The following ARHGEF18 variants were observed in gnomAD, a reference collection of about 807,000 sequenced individuals.
The protein encoded by ARHGEF18 is rho guanine nucleotide exchange factor 18.
In ARHGEF18, 93 loss-of-function variants were observed where a neutral mutation model predicts 155.7. The observed-to-expected ratio is 0.60, with a 90% CI of 0.50 to 0.71. ARHGEF18 has a LOEUF of 0.71. Ranked by LOEUF, ARHGEF18 falls within the 30% of genes least tolerant of loss-of-function variation. The pLI, the probability that ARHGEF18 is intolerant of heterozygous loss-of-function variation, is 0.00. For missense variants in ARHGEF18, 1,593 were observed against 1,816.1 expected (o/e 0.88, Z 2.23); for synonymous variants, 742 against 753.1 (o/e 0.99, Z 0.24).
intron 1 of ARHGEF18, among the ~76,000 whole-genome samples, chr19:7,361,774 C>A (rs897388488): frequency 1.3e-5 from 2 of 152,016 alleles, no homozygotes; most frequent in African/African-American, 4.8e-5. Flanking sequence ...ATGCAGATCA[C>A]CTGAGGTCAG....
chr19:7,458,172 A>G (rs1212844966), intron 18 of ARHGEF18, among the ~76,000 whole-genome samples: 8 of 151,814 alleles, frequency 5.3e-5, no homozygotes, highest in African/African-American at 1.5e-4. Context: ...CTATAATCCC[A>G]GCTACTCAGG....
At position 7,462,438 on chromosome 19, in the gene ARHGEF18, G is replaced by C; in HGVS notation, c.2635+104G>C. On this transcript the variant is annotated intron_variant, in intron 21 of 28. Transcript: ENST00000668164. The surrounding 1 kb of genome is among the most constrained non-coding windows in gnomAD (Gnocchi z 4.4). ...CTCATTGTGGCCGACACGGCACCCT[G>C]TCCAGGACAGGCTTCTATGTGGGGG... is the stretch of plus-strand genomic sequence containing the variant. The C allele has an allele frequency of 7.6e-7, 1 of 1,317,036 alleles. No homozygotes were observed. The highest frequency in any genetic ancestry group is 1.5e-5 in the South Asian group (1 of 64,884). The allele number at this position is 1,317,036 out of a possible 1,614,324, so 81.6% of individuals were successfully genotyped here.
chr19:7,440,113 C>G lies in ARHGEF18; in HGVS notation c.968-231C>G. The stretch of plus-strand genomic sequence containing the variant: ...GCCCCGGGCGCGAACATGGGGAATG[C>G]GCACTCCAAAAGCGGGGACAGGCAC... On this transcript the variant is annotated intron_variant, in intron 10 of 28. Coordinates refer to ENST00000668164, the MANE Select transcript of ARHGEF18 (RefSeq NM_001367823.1). The surrounding 1 kb of genome is among the most constrained non-coding windows in gnomAD (Gnocchi z 5.4). 3 of 1,551,012 alleles carry G rather than the reference C, an allele frequency of 1.9e-6. No individual in the cohort carries two copies. Among genetic ancestry groups the G allele is most frequent in the Middle Eastern group, 1.7e-4 (1 of 5,972 alleles).
At position 7,376,725 on chromosome 19, in the gene ARHGEF18, C is replaced by T. The variant is rs921707293; in HGVS notation, c.509C>T (p.Pro170Leu). The T allele has an allele frequency of 6.2e-5, 77 of 1,234,318 alleles. No individual in the cohort carries two copies. The highest frequency in any genetic ancestry group is 7.6e-5 in the Non-Finnish European group (75 of 988,242). 76.5% of individuals were successfully genotyped at this position (1,234,318 alleles called of 1,614,324 possible). A position where few individuals can be genotyped will look rare whatever the true frequency, so the allele number is the denominator to read the frequency against. ...GAGATCCGCTCTCCGGAAATCTCTC[C>T]GGGTTTGGAAGTGCCCACTCCACCT... ...FYEIRSPEIS[P>L]GLEVPTPPVQ... The change falls in exon 5 of 29, where the codon CCG (proline) becomes CTG (leucine). Residue 170 changes from proline to leucine, a missense_variant. By Grantham distance (98) the Pro-to-Leu change is moderately conservative (BLOSUM62 -3). Coordinates refer to ENST00000668164, the MANE Select transcript of ARHGEF18 (RefSeq NM_001367823.1).
At chr19:7,469,223 G>T (rs2145920326) in intron 27 of ARHGEF18, 92 bp downstream of exon 27, 1 of 1,406,084 alleles carries the variant, frequency 7.1e-7, no homozygotes, top group South Asian at 1.4e-5. Context: ...CGGGACACCT[G>T]TGCCATCCTC....
In ARHGEF18 at chr19:7,372,830, C is replaced by T. The variant is rs140250213; in HGVS notation, c.34C>T (p.Arg12Trp). Residue 12 changes from arginine (R) to tryptophan (W), a missense_variant, in exon 3 of 29, where the codon CGG becomes TGG. Transcript: ENST00000668164. ...GDDQEDDFPR[R>W]LSESMEDLSL... ...CCTACAGGAGGATGATTTTCCCAGGCGGCTCAGCGAGAGTATGGAGGACCT... is the reference window on the plus strand; with the variant it reads ...CCTACAGGAGGATGATTTTCCCAGGTGGCTCAGCGAGAGTATGGAGGACCT... The T allele has an allele frequency of 4.5e-4, 560 of 1,234,458 alleles. 1 individual carries two copies. The highest frequency in any genetic ancestry group is 1.4e-3 in the Middle Eastern group (7 of 4,838). 76.5% of individuals were successfully genotyped at this position (1,234,458 alleles called of 1,614,324 possible).
intron 10 of ARHGEF18, among the ~76,000 whole-genome samples, chr19:7,399,924 C>T (rs1477653368): frequency 6.6e-6 from 1 of 151,904 alleles, no homozygotes; most frequent in Non-Finnish European, 1.5e-5. Context: ...AGGTGCGTAC[C>T]ACCGCGCCCA....
intron 10 of ARHGEF18, among the ~76,000 whole-genome samples, chr19:7,437,088 C>A (rs541926880): frequency 4.6e-5 from 7 of 152,264 alleles, no homozygotes; most frequent in African/African-American, 1.7e-4. Context: ...CTCTAACACA[C>A]ACTCACCTGC....
intron 10 of ARHGEF18, chr19:7,439,980 GC>G: frequency 6.5e-7 from 1 of 1,544,696 alleles, no homozygotes; most frequent in Non-Finnish European, 8.7e-7. Flanking sequence ...CTCCAGACCC[GC>G]TGCTTCAGCC....
intron 10 of ARHGEF18, among the ~76,000 whole-genome samples, chr19:7,436,197 C>CTTTTTTTTTTTTTTTTTTT: frequency 1.3e-5 from 1 of 78,580 alleles, no homozygotes. Context: ...AGCATTTCTT[C>CTTTTTTTTTTTTTTTTTTT]TTTTTTTTTT....
rs765281735 is a variant in ARHGEF18, at chr19:7,463,903, CAGGAGGGCT to C, written c.2722_2730del (p.Arg908_Ala910del). 4.4e-6 allele frequency: 7 copies of C among 1,599,546 alleles called. No homozygotes were observed. The highest frequency in any genetic ancestry group is 2.3e-5 in the South Asian group (2 of 88,716). On this transcript the variant is annotated inframe_deletion, in exon 22 of 29. Transcript: ENST00000668164. The surrounding 1 kb of genome is among the most constrained non-coding windows in gnomAD (Gnocchi z 5.2). ...ACGGAGGCAGCTCCACAGGCCCGCC[CAGGAGGGCT>C]GAGACCTTCGCGGGCTACGACTGCA...
At chr19:7,351,424 C>T (rs1343433112) in intron 1 of ARHGEF18, among the ~76,000 whole-genome samples, 4 of 147,824 alleles carry the variant, frequency 2.7e-5, no homozygotes, top group Admixed American at 6.7e-5. Flanking sequence ...CCCGGGTTCA[C>T]GCCATTCTCC....
intron 10 of ARHGEF18, among the ~76,000 whole-genome samples, chr19:7,433,104 T>C (rs1272713945): frequency 8.6e-5 from 13 of 151,250 alleles, no homozygotes; most frequent in Non-Finnish European, 1.9e-4. Context: ...GAGGCTTCAG[T>C]GAGCTGTGAT....
chr19:7,397,553 G>A (rs1257647383), intron 10 of ARHGEF18, among the ~76,000 whole-genome samples: 11 of 152,162 alleles, frequency 7.2e-5, no homozygotes, highest in African/African-American at 2.6e-4. Flanking sequence ...CTAACACGGT[G>A]AAACCCCGTC....
rs935091942 is a variant in ARHGEF18, at chr19:7,439,992, A to G, written c.968-352A>G. 1.5e-5 allele frequency: 23 copies of G among 1,549,100 alleles called. No homozygotes were observed. The highest frequency in any genetic ancestry group is 1.9e-5 in the Non-Finnish European group (22 of 1,146,014). ...GCCCTCCAGACCCGCTGCTTCAGCC[A>G]ATACAGCAAGGGAAGACGCAGCTCT... On this transcript the variant is annotated intron_variant, in intron 10 of 28. Coordinates refer to ENST00000668164, the MANE Select transcript of ARHGEF18 (RefSeq NM_001367823.1).
intron 10 of ARHGEF18, among the ~76,000 whole-genome samples, chr19:7,404,767 G>C (rs1239715514): frequency 2.6e-5 from 4 of 152,110 alleles, no homozygotes; most frequent in East Asian, 1.9e-4. Context: ...GGTCTGGAAG[G>C]TTCGCCTGAT....
chr19:7,468,010 G>A (rs1258167799), intron 26 of ARHGEF18, among the ~76,000 whole-genome samples: 1 of 152,194 alleles, frequency 6.6e-6, no homozygotes, highest in African/African-American at 2.4e-5. Context: ...GGCCAGCCTG[G>A]GTAACATGGC....
At chr19:7,413,932 G>A (rs1282449540) in intron 10 of ARHGEF18, among the ~76,000 whole-genome samples, 1 of 152,180 alleles carries the variant, frequency 6.6e-6, no homozygotes, top group Non-Finnish European at 1.5e-5. Context: ...GGAAGATAAA[G>A]ATGTAGAAAG....
intron 26 of ARHGEF18, 38 bp from the exon 27 acceptor site, chr19:7,468,787 G>A (rs543214036): frequency 6.7e-7 from 1 of 1,493,690 alleles, no homozygotes; most frequent in African/African-American, 1.4e-5. Flanking sequence ...CGCACAGCAG[G>A]AACCTCACAT....
Sources: gnomAD v4.1 joint callset for allele counts (sites outside exome capture counted in the v4.1 genomes callset) on GRCh38, gnomAD v4.1.1 for gene constraint, Gnocchi (gnomAD v3.1) non-coding constraint, MANE v1.5 for transcripts, NCBI Gene and HGNC (gene_info 2026-07-23, HGNC 2026-07-21) for gene names.